The following SPOCK2 variants were observed in gnomAD, a reference collection of about 807,000 sequenced individuals.
The protein encoded by SPOCK2 is testican-2.
In SPOCK2, 39 loss-of-function variants were observed where a neutral mutation model predicts 60.1. The observed-to-expected ratio is 0.65, with a 90% CI of 0.50 to 0.85. The LOEUF is 0.85. SPOCK2 is among the 40% of genes least tolerant of loss of function. The pLI, the probability that SPOCK2 is intolerant of heterozygous loss-of-function variation, is 0.00. For synonymous variants in SPOCK2, 217 were observed against 231.5 expected (o/e 0.94, Z 0.57); for missense variants, 523 against 567.4 (o/e 0.92, Z 0.80).
chr10:72,072,778 G>A, intron 2 of SPOCK2, 124 bp downstream of exon 2: 2 of 1,452,882 alleles, frequency 1.4e-6, no homozygotes, highest in South Asian at 1.2e-5. Context: ...GCTCCTGATT[G>A]CTCCCATGCC....
At chr10:72,072,340 T>G in intron 3 of SPOCK2, 82 bp from the exon 4 acceptor site, 4 of 1,439,374 alleles carry the variant, frequency 2.8e-6, no homozygotes, top group Middle Eastern at 2.4e-4. Flanking sequence ...GGGAGGCCTC[T>G]CCCTCCAGCA....
Position 72,063,198 on chromosome 10 carries a change from G to A in SPOCK2, c.992-36C>T. On this transcript the variant is annotated intron_variant, in intron 9 of 10. Transcript: ENST00000373109. Reference sequence around the variant, plus strand: ...CAGTGCCAGGCAGGGTCAGAGCAGGGGCCCAGGCTGTGGGCCCCTCAGAGA... The same window carrying A: ...CAGTGCCAGGCAGGGTCAGAGCAGGAGCCCAGGCTGTGGGCCCCTCAGAGA... The A allele has an allele frequency of 1.9e-6, 3 of 1,552,280 alleles. No homozygotes were observed. The Admixed American group carries it at 5.8e-5, about 30-fold the overall frequency.
Position 72,088,249 on chromosome 10 carries a change from T to A in SPOCK2, c.80A>T (p.Lys27Met), listed in dbSNP as rs781474647. The change falls in exon 1 of 11, where the codon AAG becomes ATG. Residue 27 changes from lysine to methionine, a missense_variant. Coordinates refer to ENST00000373109, the MANE Select transcript of SPOCK2 (RefSeq NM_001244950.2). ...GGGGGTCTCGCCCTCCTTGAGCCCC[T>A]TGGCGTCGCCTTCGGCCAGGGCTGC... is the stretch of plus-strand genomic sequence containing the variant. Reference protein sequence around the residue: ...AAAALAEGDAKGLKEGETPGN... With the variant: ...AAAALAEGDAMGLKEGETPGN... 1 of 1,610,670 alleles carries A rather than the reference T, an allele frequency of 6.2e-7. No individual in the cohort carries two copies. Among genetic ancestry groups the A allele is most frequent in the Non-Finnish European group, 8.5e-7 (1 of 1,179,358 alleles).
intron 1 of SPOCK2, chr10:72,086,488 G>A (rs566442342): frequency 1.1e-5 from 12 of 1,064,472 alleles, no homozygotes; most frequent in East Asian, 1.9e-4. Flanking sequence ...AACAGCCAGC[G>A]AGTCGGAGGG....
At chr10:72,083,588 T>A (rs77036550) in intron 1 of SPOCK2, among the ~76,000 whole-genome samples, 3,401 of 152,310 alleles carry the variant, frequency 0.022, 118 homozygotes, top group African/African-American at 0.076. Context: ...AGGCTGCTGC[T>A]AGACTGGAGT....
At chr10:72,067,530 G>T in intron 7 of SPOCK2, 83 bp downstream of exon 7, 2 of 1,580,236 alleles carry the variant, frequency 1.3e-6, no homozygotes, top group Non-Finnish European at 1.7e-6. Flanking sequence ...AGGAACAAGG[G>T]CAGACTGGCC....
intron 1 of SPOCK2, among the ~76,000 whole-genome samples, chr10:72,082,638 G>C (rs1313298334): frequency 2.0e-5 from 3 of 151,990 alleles, no homozygotes; most frequent in Non-Finnish European, 4.4e-5. Flanking sequence ...TGGATTGCTT[G>C]AGTCCAGGAG....
Position 72,088,183 on chromosome 10 carries a change from G to A in SPOCK2, c.146C>T (p.Ser49Leu). The change falls in exon 1 of 11, where the codon TCG (serine) becomes TTG (leucine). Residue 49 changes from serine (S) to leucine (L), a missense_variant. Physicochemically the swap from Ser to Leu is moderately radical, Grantham distance 145. Coordinates refer to ENST00000373109, the MANE Select transcript of SPOCK2 (RefSeq NM_001244950.2). ...MEDEQWLSSI[S>L]QYSGKIKHWN... ...GTGCTTGATCTTGCCGCTGTACTGC[G>A]AGATGGACGACAGCCATTGCTCGTC... 1.2e-6 allele frequency: 2 copies of A among 1,613,184 alleles called. No individual in the cohort carries two copies. The highest frequency in any genetic ancestry group is 1.7e-6 in the Non-Finnish European group (2 of 1,179,714).
intron 1 of SPOCK2, among the ~76,000 whole-genome samples, chr10:72,073,129 C>A (rs1840671520): frequency 6.6e-6 from 1 of 152,186 alleles, no homozygotes; most frequent in Admixed American, 6.5e-5. Context: ...CAAGACTGGC[C>A]TTAGGAGTAG....
chr10:72,064,553 A>G (rs1040477143), intron 8 of SPOCK2, among the ~76,000 whole-genome samples: 4 of 152,112 alleles, frequency 2.6e-5, no homozygotes, highest in African/African-American at 9.7e-5. Context: ...CCCAAGTATG[A>G]GAGAGCCCAG....
At chr10:72,084,025 C>T (rs923256479) in intron 1 of SPOCK2, among the ~76,000 whole-genome samples, 2 of 152,094 alleles carry the variant, frequency 1.3e-5, no homozygotes, top group Non-Finnish European at 2.9e-5. Context: ...CTTGGTGTTC[C>T]TAAACACACG....
At chr10:72,088,012 C>T (rs1223851441) in intron 1 of SPOCK2, 128 bp downstream of exon 1, 4 of 1,206,202 alleles carry the variant, frequency 3.3e-6, no homozygotes, top group Non-Finnish European at 4.7e-6. Context: ...GTTTACTTTC[C>T]GTGTAATTAG....
rs755238219 is a variant in SPOCK2, at chr10:72,072,238, G to A, written c.265C>T (p.Pro89Ser). ...GDEALDTTKD[P>S]CQKVKCSRHK... ...CGGCTGCACTTCACCTTCTGGCAGG[G>A]GTCCTTGGTGGTATCCAGGGCTGCA... The change falls in exon 4 of 11, where the codon CCC becomes TCC. Residue 89 changes from proline (P) to serine (S), a missense_variant. Physicochemically the swap from Pro to Ser is moderately conservative, Grantham distance 74. Coordinates refer to ENST00000373109, the MANE Select transcript of SPOCK2 (RefSeq NM_001244950.2). 1.9e-6 allele frequency: 3 copies of A among 1,541,182 alleles called. No homozygotes were observed. The highest frequency in any genetic ancestry group is 2.6e-6 in the Non-Finnish European group (3 of 1,142,784).
Position 72,072,167 on chromosome 10 carries a change from G to C in SPOCK2, c.336C>G (p.Ile112Met). The change falls in exon 4 of 11, where the codon ATC (isoleucine) becomes ATG (methionine). Residue 112 changes from isoleucine (I) to methionine (M), a missense_variant. Coordinates refer to ENST00000373109, the MANE Select transcript of SPOCK2 (RefSeq NM_001244950.2). ...ACCTGTGCTCCAGCTTCTTGCGACT[G>C]ATGCACATGGCCCGCTGGTAGCCCT... is the stretch of plus-strand genomic sequence containing the variant. ...IAQGYQRAMC[I>M]SRKKLEHRIK... 4 of 1,534,988 alleles carry C rather than the reference G, an allele frequency of 2.6e-6. No individual in the cohort carries two copies. The highest frequency in any genetic ancestry group is 3.5e-6 in the Non-Finnish European group (4 of 1,141,364).
At chr10:72,069,096 G>A (rs1678628) in intron 5 of SPOCK2, 47,433 of 153,206 alleles carry the variant, frequency 0.31, 7,992 homozygotes, top group Middle Eastern at 0.45. Flanking sequence ...GGACCGGACC[G>A]CACTGCAGCG....
In SPOCK2 at chr10:72,062,987, C is replaced by T. The variant is rs1840515604; in HGVS notation, c.1129+38G>A. On this transcript the variant is annotated intron_variant, in intron 10 of 10. Transcript: ENST00000373109. This position sits in a 1 kb window ranked among gnomAD's most constrained non-coding sequence, Gnocchi z 4.3. ...CATCCCACGACAAGGGCCCCCAGGC[C>T]TGGGCCCCCAGCAGGCCCTGAGCTG... 2 of 1,571,804 alleles carry T rather than the reference C, an allele frequency of 1.3e-6. No individual in the cohort carries two copies. The highest frequency in any genetic ancestry group is 2.7e-5 in the African/African-American group (2 of 74,106).
chr10:72,070,502 G>A, intron 4 of SPOCK2, 76 bp from the exon 5 acceptor site: 1 of 1,409,492 alleles, frequency 7.1e-7, no homozygotes, highest in South Asian at 1.2e-5. Flanking sequence ...GGGCTGAGCA[G>A]ACCTGTTCCA....
At position 72,072,137 on chromosome 10, in the gene SPOCK2, C is replaced by T; in HGVS notation, c.359+7G>A. On this transcript the variant is annotated splice_region_variant and intron_variant, in intron 4 of 10. Transcript: ENST00000373109. Reference sequence around the variant, plus strand: ...CTCCAGGGCTCCCACCTCCCCAAACCTCTCACCTGTGCTCCAGCTTCTTGC... The same window carrying T: ...CTCCAGGGCTCCCACCTCCCCAAACTTCTCACCTGTGCTCCAGCTTCTTGC... The T allele has an allele frequency of 6.7e-7, 1 of 1,497,060 alleles. No individual in the cohort carries two copies. 92.7% of individuals were successfully genotyped at this position (1,497,060 alleles called of 1,614,324 possible).
At chr10:72,075,781 CA>C (rs1840708084) in intron 1 of SPOCK2, among the ~76,000 whole-genome samples, 3 of 152,088 alleles carry the variant, frequency 2.0e-5, no homozygotes, top group Admixed American at 2.0e-4. Flanking sequence ...GGAGGGGCCC[CA>C]GTGGATCTGG....
Sources: gnomAD v4.1 joint callset for allele counts (sites outside exome capture counted in the v4.1 genomes callset) on GRCh38, gnomAD v4.1.1 for gene constraint, Gnocchi (gnomAD v3.1) non-coding constraint, MANE v1.5 for transcripts, NCBI Gene and HGNC (gene_info 2026-07-23, HGNC 2026-07-21) for gene names.